TNFAIP2: variants seen among roughly 807,000 people sequenced by gnomAD.
TNFAIP2 encodes the protein TNF alpha induced protein 2, also known as tumor necrosis factor alpha-induced protein 2.
In TNFAIP2, 47 loss-of-function variants were observed where a neutral mutation model predicts 63.5. The ratio of observed to expected loss-of-function variants is 0.74; its 90% CI spans 0.59 to 0.94. The LOEUF (loss-of-function observed/expected upper bound fraction) is 0.94. Ranked by LOEUF, TNFAIP2 falls within the 40% of genes least tolerant of loss-of-function variation. The probability of loss-of-function intolerance (pLI) is 0.00; values close to 1 mark genes in which losing one functional copy is unlikely to be tolerated. For synonymous variants in TNFAIP2, 405 were observed against 390.2 expected (o/e 1.04, Z -0.45); for missense variants, 787 against 850.2 (o/e 0.93, Z 0.92).
At chr14:103,133,652 G>A in intron 10 of TNFAIP2, 30 bp from the exon 11 acceptor site, 1 of 1,549,822 alleles carries the variant, frequency 6.5e-7, no homozygotes, top group Non-Finnish European at 8.7e-7. Context: ...CTGGACCCCT[G>A]GGTCCCTCCA....
rs1255839882 is a variant in TNFAIP2, at chr14:103,123,836, T to C, written c.-264T>C. 2 of 152,284 alleles carry C rather than the reference T, an allele frequency of 1.3e-5. No individual in the cohort carries two copies. Among genetic ancestry groups the C allele is most frequent in the Non-Finnish European group, 2.9e-5 (2 of 68,134 alleles). 9.4% of individuals were successfully genotyped at this position (152,284 alleles called of 1,614,324 possible). The stretch of plus-strand genomic sequence containing the variant: ...AGTCACTTCCTCGCCCGTGCCCGGG[T>C]GTCCTCATCGGGGGATGGGTGCGCC... On this transcript the variant is annotated 5_prime_UTR_variant, in exon 1 of 12. Transcript: ENST00000560869.
chr14:103,126,434 T>C lies in TNFAIP2; in HGVS notation c.-24T>C. 1 of 1,553,436 alleles carries C rather than the reference T, an allele frequency of 6.4e-7. No homozygotes were observed. Among genetic ancestry groups the C allele is most frequent in the Non-Finnish European group, 8.7e-7 (1 of 1,152,756 alleles). ...AGGCCCCCAAAAGTTGCAGTCCACA[T>C]CAGAGGCAGAGTCAGAGGCCTCCAT... On this transcript the variant is annotated 5_prime_UTR_variant, in exon 2 of 12. Coordinates refer to ENST00000560869, the MANE Select transcript of TNFAIP2 (RefSeq NM_006291.4).
Position 103,126,382 on chromosome 14 carries a change from TG to T in TNFAIP2, c.-75del, listed in dbSNP as rs8176384. 442 of 1,048,770 alleles carry T rather than the reference TG, an allele frequency of 4.2e-4. No homozygotes were observed. The African/African-American group carries it at 6.7e-3, about 16-fold the overall frequency. The allele number at this position is 1,048,770 out of a possible 1,614,324, so 65.0% of individuals were successfully genotyped here. A position where few individuals can be genotyped will look rare whatever the true frequency, so the allele number is the denominator to read the frequency against. ...TCCAAGGCCTCTAGAGCCATCAGCC[TG>T]TGCCAGGCACCCTCGACTTGCCTAG... On this transcript the variant is annotated 5_prime_UTR_variant, in exon 2 of 12. Coordinates refer to ENST00000560869, the MANE Select transcript of TNFAIP2 (RefSeq NM_006291.4).
chr14:103,134,447 T>C (rs1291371263), intron 11 of TNFAIP2, among the ~76,000 whole-genome samples: 1 of 150,980 alleles, frequency 6.6e-6, no homozygotes, highest in African/African-American at 2.4e-5. Flanking sequence ...TCATCACCTG[T>C]CTACCCATCC....
At position 103,135,676 on chromosome 14, in the gene TNFAIP2, G is replaced by A; in HGVS notation, c.*316G>A. 8.0e-7 allele frequency: 1 copy of A among 1,254,886 alleles called. No homozygotes were observed. Among genetic ancestry groups the A allele is most frequent in the South Asian group, 1.5e-5 (1 of 65,386 alleles). 77.7% of individuals were successfully genotyped at this position (1,254,886 alleles called of 1,614,324 possible). A position where few individuals can be genotyped will look rare whatever the true frequency, so the allele number is the denominator to read the frequency against. On this transcript the variant is annotated 3_prime_UTR_variant, in exon 12 of 12. Coordinates refer to ENST00000560869, the MANE Select transcript of TNFAIP2 (RefSeq NM_006291.4). The surrounding 1 kb of genome is among the most constrained non-coding windows in gnomAD (Gnocchi z 7.6). ...AGGAGGGAGAGTGCAGCCAGGCTCA[G>A]GGATCCCCGGACACCTCTGTCCAGA...
intron 2 of TNFAIP2, 136 bp downstream of exon 2, chr14:103,126,828 C>T: frequency 7.5e-7 from 1 of 1,330,438 alleles, no homozygotes; most frequent in Non-Finnish European, 1.0e-6. Flanking sequence ...TTCACCTGTG[C>T]CGCAATCTGG....
At chr14:103,126,743 C>T in intron 2 of TNFAIP2, 51 bp downstream of exon 2, 3 of 1,511,320 alleles carry the variant, frequency 2.0e-6, no homozygotes, top group Non-Finnish European at 2.7e-6. Context: ...ACGGGGTTGG[C>T]GCTCATCCGC....
At chr14:103,124,115 T>C (rs2087803947) in intron 1 of TNFAIP2, among the ~76,000 whole-genome samples, 164 bp downstream of exon 1, 1 of 152,216 alleles carries the variant, frequency 6.6e-6, no homozygotes, top group Non-Finnish European at 1.5e-5. Context: ...TCTTCCTTTC[T>C]GGCTGCACCG....
At chr14:103,129,065 G>T (rs1668674611) in intron 3 of TNFAIP2, among the ~76,000 whole-genome samples, 1 of 152,246 alleles carries the variant, frequency 6.6e-6, no homozygotes, top group South Asian at 2.1e-4. Context: ...CCAGGGCTGG[G>T]CAGTCCCCTG....
At position 103,127,469 on chromosome 14, in the gene TNFAIP2, C is replaced by T. The variant is rs764237696; in HGVS notation, c.700C>T (p.Arg234Trp). The change falls in exon 3 of 12, where the codon CGG becomes TGG. Residue 234 changes from arginine to tryptophan, a missense_variant. Physicochemically the swap from Arg to Trp is moderately radical, Grantham distance 101 (BLOSUM62 -3). Around this residue, in one of 3 missense-constraint regions of TNFAIP2, gnomAD observed 523 missense variants for 604.1 expected, o/e 0.87. Coordinates refer to ENST00000560869, the MANE Select transcript of TNFAIP2 (RefSeq NM_006291.4). This position sits in a 1 kb window ranked among gnomAD's most constrained non-coding sequence, Gnocchi z 5.1. ...MKEDLEAVVE[R>W]LKPLFPAEFG... is the part of the protein sequence containing the mutation. The stretch of plus-strand genomic sequence containing the variant: ...GGAGGACCTGGAGGCCGTGGTGGAG[C>T]GGCTGAAGCCGCTGTTCCCCGCCGA... The T allele has an allele frequency of 1.3e-6, 2 of 1,586,226 alleles. No homozygotes were observed. Among genetic ancestry groups the T allele is most frequent in the Non-Finnish European group, 1.7e-6 (2 of 1,174,574 alleles).
chr14:103,126,159 C>T (rs2087847306), intron 1 of TNFAIP2, among the ~76,000 whole-genome samples, 151 bp from the exon 2 acceptor site: 2 of 152,216 alleles, frequency 1.3e-5, no homozygotes, highest in Non-Finnish European at 2.9e-5. Context: ...GTTGTTGGTG[C>T]TCATCTGGGC....
Position 103,131,376 on chromosome 14 carries a change from C to G in TNFAIP2, c.1298+226C>G, listed in dbSNP as rs556564474. ...TTCACCCATTATCTTATCCTTAAAGCAACCCTGTGAAGTAGGTATAGTGAT... is the reference window on the plus strand; with the variant it reads ...TTCACCCATTATCTTATCCTTAAAGGAACCCTGTGAAGTAGGTATAGTGAT... On this transcript the variant is annotated intron_variant, in intron 7 of 11. Transcript: ENST00000560869. The surrounding 1 kb of genome is among the most constrained non-coding windows in gnomAD (Gnocchi z 4.0). Among the ~76,000 whole-genome samples, 6 of 152,308 alleles carry G rather than the reference C, an allele frequency of 3.9e-5. No individual in the cohort carries two copies. Among genetic ancestry groups the G allele is most frequent in the Non-Finnish European group, 8.8e-5 (6 of 68,028 alleles).
In TNFAIP2 at chr14:103,128,620, G is replaced by A. The variant is rs866806718; in HGVS notation, c.860+991G>A. ...CCGTCTCGGGGGCCTTGGGTGGCCT[G>A]TGGGCTCAGTTCGTGTTGAAGGGTC... On this transcript the variant is annotated intron_variant, in intron 3 of 11. Transcript: ENST00000560869. 9.8e-5 allele frequency among the ~76,000 whole-genome samples: 15 copies of A among 152,316 alleles called. No individual in the cohort carries two copies. In the Middle Eastern group the frequency reaches 0.01, roughly 104 times the overall value.
intron 9 of TNFAIP2, 93 bp downstream of exon 9, chr14:103,132,965 T>C: frequency 6.4e-7 from 1 of 1,559,932 alleles, no homozygotes; most frequent in African/African-American, 1.3e-5. Flanking sequence ...CACGCACATG[T>C]GCTCACACGC....
At chr14:103,133,160 ACGTGAACG>A (rs1413545970) in intron 9 of TNFAIP2, among the ~76,000 whole-genome samples, 194 bp from the exon 10 acceptor site, 6 of 149,796 alleles carry the variant, frequency 4.0e-5, no homozygotes, top group Admixed American at 6.6e-5. Flanking sequence ...ACATGTGAAC[ACGTGAACG>A]CATGCACATG....
rs749441503 is a variant in TNFAIP2, at chr14:103,130,103, G to A, written c.1077G>A (p.Glu359=). ...PQRLDGHCHS[E]LAIDIIQITS... ...GGCTGGACGGCCACTGCCACAGCGAGCTGGCCATCGACATCATCCAGGTAC... is the reference window on the plus strand; with the variant it reads ...GGCTGGACGGCCACTGCCACAGCGAACTGGCCATCGACATCATCCAGGTAC... The change falls in exon 5 of 12, where the codon GAG becomes GAA. Residue 359 remains glutamate (E), a synonymous_variant. Transcript: ENST00000560869. 1.4e-5 allele frequency: 23 copies of A among 1,613,238 alleles called. No homozygotes were observed. The East Asian group carries it at 4.7e-4, about 33-fold the overall frequency.
chr14:103,135,736 C>T lies in TNFAIP2; in HGVS notation c.*376C>T, dbSNP rs747087875. On this transcript the variant is annotated 3_prime_UTR_variant, in exon 12 of 12. Coordinates refer to ENST00000560869, the MANE Select transcript of TNFAIP2 (RefSeq NM_006291.4). This position sits in a 1 kb window ranked among gnomAD's most constrained non-coding sequence, Gnocchi z 7.6. ...CAGTCGGCCTCATGACTGTCCTCCT[C>T]GTGGGTGGGGCCGAGGGCCCTCTTC... is the stretch of plus-strand genomic sequence containing the variant. 16 of 1,259,278 alleles carry T rather than the reference C, an allele frequency of 1.3e-5. No individual in the cohort carries two copies. The highest frequency in any genetic ancestry group is 5.1e-5 in the East Asian group (1 of 19,436). 78.0% of individuals were successfully genotyped at this position (1,259,278 alleles called of 1,614,324 possible). A position where few individuals can be genotyped will look rare whatever the true frequency, so the allele number is the denominator to read the frequency against.
At chr14:103,129,610 G>T in intron 3 of TNFAIP2, 130 bp from the exon 4 acceptor site, 1 of 723,102 alleles carries the variant, frequency 1.4e-6, no homozygotes, top group Non-Finnish European at 2.4e-6. Flanking sequence ...TGGGGACCGG[G>T]TGGGGGTGCG....
intron 2 of TNFAIP2, 99 bp from the exon 3 acceptor site, chr14:103,126,906 C>T: frequency 2.8e-6 from 4 of 1,405,390 alleles, no homozygotes; most frequent in Non-Finnish European, 3.7e-6. Flanking sequence ...GCCGCCGGCC[C>T]TGTGCGCGTC....
Sources: gnomAD v4.1 joint callset for allele counts (sites outside exome capture counted in the v4.1 genomes callset) on GRCh38, gnomAD v4.1.1 for gene constraint, gnomAD v4.1.1 regional missense constraint, Gnocchi (gnomAD v3.1) non-coding constraint, MANE v1.5 for transcripts, NCBI Gene and HGNC (gene_info 2026-07-23, HGNC 2026-07-21) for gene names.